Variants in LSAMP observed in about 807,000 individuals in gnomAD.
LSAMP encodes limbic system-associated membrane protein.
A neutral mutation model predicts 38.6 loss-of-function variants in LSAMP; 7 were observed. That is an observed-to-expected ratio of 0.18 (90% CI 0.10 to 0.34). The LOEUF (loss-of-function observed/expected upper bound fraction) is 0.34. LSAMP is among the 10% of genes least tolerant of loss of function. The pLI is 1.00. For missense variants in LSAMP, 313 were observed against 420.0 expected (o/e 0.75, Z 2.23); for synonymous variants, 154 against 166.8 (o/e 0.92, Z 0.59).
At chr3:116,212,123 T>C (rs1319729608) in intron 1 of LSAMP, among the ~76,000 whole-genome samples, 4 of 152,218 alleles carry the variant, frequency 2.6e-5, no homozygotes, top group Non-Finnish European at 5.9e-5. Context: ...TGAGCAGCCA[T>C]GAGGCAATTC....
intron 1 of LSAMP, among the ~76,000 whole-genome samples, chr3:116,343,771 A>G (rs2048028342): frequency 6.6e-6 from 1 of 152,110 alleles, no homozygotes. Flanking sequence ...GATGGAATGC[A>G]GGTCACCCAC....
chr3:115,970,266 T>C (rs1303842515), intron 3 of LSAMP, among the ~76,000 whole-genome samples: 1 of 152,162 alleles, frequency 6.6e-6, no homozygotes, highest in Admixed American at 6.6e-5. Context: ...ATGAGTTGGA[T>C]AAATAAGAAG....
intron 1 of LSAMP, among the ~76,000 whole-genome samples, chr3:116,437,200 G>T (rs1258808430): frequency 1.3e-5 from 2 of 151,908 alleles, no homozygotes; most frequent in East Asian, 3.9e-4. Context: ...TGATATGTGG[G>T]AGCTAAGCTA....
chr3:116,206,292 C>A (rs1356907209), intron 1 of LSAMP, among the ~76,000 whole-genome samples: 2 of 149,198 alleles, frequency 1.3e-5, no homozygotes, highest in East Asian at 2.0e-4. Flanking sequence ...ATTCTTCTCT[C>A]TTTTTTTCTT....
chr3:116,200,062 C>T (rs994862830), intron 1 of LSAMP, among the ~76,000 whole-genome samples: 2 of 149,202 alleles, frequency 1.3e-5, no homozygotes, highest in Non-Finnish European at 3.0e-5. Context: ...AGAAAGGTAC[C>T]TTACAGTTTT....
At chr3:116,302,271 A>AT (rs1434894751) in intron 1 of LSAMP, among the ~76,000 whole-genome samples, 3 of 152,176 alleles carry the variant, frequency 2.0e-5, no homozygotes, top group Non-Finnish European at 4.4e-5. Flanking sequence ...TCTAGGCAAA[A>AT]TTGTATATAA....
intron 1 of LSAMP, among the ~76,000 whole-genome samples, chr3:116,275,986 C>A (rs1192962289): frequency 6.6e-6 from 1 of 152,164 alleles, no homozygotes; most frequent in East Asian, 1.9e-4. Context: ...TGTATAATCA[C>A]ATGCATGAGG....
chr3:116,164,762 T>TCCATATATATATATATATATATATATA (rs71999509), intron 1 of LSAMP, among the ~76,000 whole-genome samples: 2 of 36,182 alleles, frequency 5.5e-5, no homozygotes, highest in African/African-American at 2.2e-4. Flanking sequence ...ATATATATAT[T>TCCATATATATATATATATATATATATA]TTTTTTTTTT....
rs1933610086 is a variant in LSAMP, at chr3:115,805,479, A to T, written c.*4838T>A. 1 of 152,196 alleles carries T rather than the reference A, an allele frequency of 6.6e-6. No individual in the cohort carries two copies. The highest frequency in any genetic ancestry group is 2.1e-4 in the South Asian group (1 of 4,830). 9.4% of individuals were successfully genotyped at this position (152,196 alleles called of 1,614,324 possible). A position where few individuals can be genotyped will look rare whatever the true frequency, so the allele number is the denominator to read the frequency against. On this transcript the variant is annotated 3_prime_UTR_variant, in exon 7 of 7. Transcript: ENST00000490035. ...TTTACATAGTTTATATTATGTACAT[A>T]AACTAGTGATTTACATTGATTTACA...
At chr3:116,350,760 A>C (rs2048128279) in intron 1 of LSAMP, among the ~76,000 whole-genome samples, 1 of 152,050 alleles carries the variant, frequency 6.6e-6, no homozygotes, top group Non-Finnish European at 1.5e-5. Flanking sequence ...TAAGAGAAGA[A>C]AAATTGTATG....
At chr3:116,384,881 C>T (rs1453516807) in intron 1 of LSAMP, among the ~76,000 whole-genome samples, 1 of 152,118 alleles carries the variant, frequency 6.6e-6, no homozygotes, top group Non-Finnish European at 1.5e-5. Flanking sequence ...CAGGGCAAAG[C>T]TCTATGCTCC....
At chr3:116,257,018 C>T (rs1160594049) in intron 1 of LSAMP, among the ~76,000 whole-genome samples, 1 of 152,212 alleles carries the variant, frequency 6.6e-6, no homozygotes, top group Non-Finnish European at 1.5e-5. Context: ...GCTGGAGGCA[C>T]TTCTGGGCAA....
At chr3:115,992,603 A>G (rs967374920) in intron 3 of LSAMP, among the ~76,000 whole-genome samples, 1 of 152,130 alleles carries the variant, frequency 6.6e-6, no homozygotes, top group African/African-American at 2.4e-5. Flanking sequence ...GATTCATTAC[A>G]CAAACTTTTT....
chr3:115,949,039 A>G (rs924038161), intron 3 of LSAMP, among the ~76,000 whole-genome samples: 2 of 152,152 alleles, frequency 1.3e-5, no homozygotes, highest in African/African-American at 4.8e-5. Flanking sequence ...AGGCCAAGGC[A>G]GGTGAATCAC....
intron 3 of LSAMP, among the ~76,000 whole-genome samples, chr3:115,977,318 A>C (rs1272812688): frequency 6.6e-6 from 1 of 152,212 alleles, no homozygotes; most frequent in Non-Finnish European, 1.5e-5. Context: ...GTTTAAATTT[A>C]CTCAGTAACA....
chr3:116,288,408 C>A (rs1269545367), intron 1 of LSAMP, among the ~76,000 whole-genome samples: 1 of 152,214 alleles, frequency 6.6e-6, no homozygotes, highest in Non-Finnish European at 1.5e-5. Flanking sequence ...CCAGTGCCTG[C>A]TCCCCCATCA....
chr3:115,885,719 A>C (rs533881705), intron 3 of LSAMP, among the ~76,000 whole-genome samples: 5 of 151,694 alleles, frequency 3.3e-5, no homozygotes, highest in African/African-American at 1.2e-4. Context: ...GCTTCTTATC[A>C]ATCGGAATAC....
At chr3:116,001,643 C>T (rs1464464835) in intron 3 of LSAMP, among the ~76,000 whole-genome samples, 2 of 152,174 alleles carry the variant, frequency 1.3e-5, no homozygotes, top group Admixed American at 1.3e-4. Flanking sequence ...CTTGTCTTTT[C>T]CAGTTTCTGG....
chr3:116,024,364 AG>A, intron 2 of LSAMP, among the ~76,000 whole-genome samples: 2 of 152,344 alleles, frequency 1.3e-5, no homozygotes, highest in African/African-American at 4.8e-5. Flanking sequence ...TTTGTCAGAA[AG>A]GAATAAGTTT....
Sources: gnomAD v4.1 joint callset for allele counts (sites outside exome capture counted in the v4.1 genomes callset) on GRCh38, gnomAD v4.1.1 for gene constraint, MANE v1.5 for transcripts, NCBI Gene and HGNC (gene_info 2026-07-23, HGNC 2026-07-21) for gene names.